Variants in GPC3 observed in about 807,000 individuals in gnomAD.
GPC3 encodes glypican-3.
In GPC3, 3 loss-of-function variants were observed where a neutral mutation model predicts 34.4. The observed-to-expected ratio is 0.09, with a 90% CI of 0.04 to 0.23. GPC3 has a LOEUF of 0.23. Among genes scored for constraint, GPC3 ranks in the 10% least tolerant of loss-of-function variants. The pLI is 1.00. For synonymous variants in GPC3, 177 were observed against 174.0 expected (o/e 1.02, Z -0.13); for missense variants, 351 against 445.6 (o/e 0.79, Z 1.91).
intron 5 of GPC3, among the ~76,000 whole-genome samples, chrX:133,684,537 G>A (rs1457027717): frequency 9.0e-6 from 1 of 111,516 alleles, no homozygotes; most frequent in Admixed American, 9.5e-5. Context: ...TTTCGGACCT[G>A]ACTCAATGCT....
intron 6 of GPC3, among the ~76,000 whole-genome samples, chrX:133,602,851 A>AT (rs1418555972): frequency 9.0e-6 from 1 of 111,538 alleles, no homozygotes; most frequent in Non-Finnish European, 1.9e-5. Flanking sequence ...AGAATTAAAC[A>AT]TTTTTTAAGT....
At chrX:133,782,888 C>T (rs2072063004) in intron 2 of GPC3, among the ~76,000 whole-genome samples, 1 of 111,477 alleles carries the variant, frequency 9.0e-6, no homozygotes, top group Non-Finnish European at 1.9e-5. Context: ...TGCAAACAGA[C>T]TGCCAAAGCT....
chrX:133,732,072 C>T (rs2071467530), intron 3 of GPC3, among the ~76,000 whole-genome samples: 1 of 111,578 alleles, frequency 9.0e-6, no homozygotes, highest in Non-Finnish European at 1.9e-5. Flanking sequence ...AGTCTAAATG[C>T]TGTATTAAGA....
At chrX:133,558,309 C>A (rs200594462) in intron 7 of GPC3, among the ~76,000 whole-genome samples, 1 of 58,862 alleles carries the variant, frequency 1.7e-5, no homozygotes, top group Non-Finnish European at 3.4e-5. Flanking sequence ...TTTTTTTTTT[C>A]TTTGTCTCAT....
chrX:133,818,661 A>T (rs1247116309), intron 2 of GPC3, among the ~76,000 whole-genome samples: 1 of 111,857 alleles, frequency 8.9e-6, no homozygotes, highest in Non-Finnish European at 1.9e-5. Context: ...TGTTATAATA[A>T]GCTAAAAAGC....
chrX:133,849,970 C>T (rs1441999883), intron 2 of GPC3, among the ~76,000 whole-genome samples: 6 of 111,280 alleles, frequency 5.4e-5, no homozygotes, highest in African/African-American at 9.8e-5. Context: ...AAACTGTTAC[C>T]TTATCAGTAG....
chrX:133,655,935 C>T lies in GPC3; in HGVS notation c.1413+5795G>A, dbSNP rs191335080. Reference sequence around the variant, plus strand: ...ATTTCAAAAGTTAGTTTCTTCATTGCACTAGAGTCTGCCAGGCATCTTAAA... The same window carrying T: ...ATTTCAAAAGTTAGTTTCTTCATTGTACTAGAGTCTGCCAGGCATCTTAAA... On this transcript the variant is annotated intron_variant, in intron 6 of 7. Coordinates refer to ENST00000370818, the MANE Select transcript of GPC3 (RefSeq NM_004484.4). Among the ~76,000 whole-genome samples the T allele has an allele frequency of 1.9e-3, 215 of 112,396 alleles. 1 individual carries two copies. The highest frequency in any genetic ancestry group is 6.7e-3 in the African/African-American group (208 of 31,035).
intron 6 of GPC3, among the ~76,000 whole-genome samples, chrX:133,637,190 C>T (rs1169747646): frequency 5.4e-5 from 6 of 111,362 alleles, no homozygotes; most frequent in South Asian, 3.8e-4. Context: ...AGCAGATGTG[C>T]GGCGTGGTGG....
At chrX:133,859,994 G>A (rs1261919263) in intron 2 of GPC3, among the ~76,000 whole-genome samples, 3 of 110,592 alleles carry the variant, frequency 2.7e-5, no homozygotes, top group African/African-American at 6.6e-5. Context: ...GCTCTTTTTA[G>A]CAATCAGTTC....
intron 2 of GPC3, among the ~76,000 whole-genome samples, chrX:133,832,415 T>C (rs1020344591): frequency 3.7e-5 from 4 of 109,432 alleles, no homozygotes; most frequent in African/African-American, 1.0e-4. Context: ...CTATGGCTAC[T>C]AGATCTTTAG....
chrX:133,543,466 T>C (rs2069358945), intron 7 of GPC3, among the ~76,000 whole-genome samples: 1 of 112,307 alleles, frequency 8.9e-6, no homozygotes, highest in African/African-American at 3.2e-5. Flanking sequence ...TTTTGCCCAC[T>C]AAATGACAGT....
intron 5 of GPC3, among the ~76,000 whole-genome samples, chrX:133,668,145 C>T (rs1039029960): frequency 4.5e-5 from 5 of 110,105 alleles, no homozygotes; most frequent in South Asian, 4.0e-4. Flanking sequence ...CTTCATGATC[C>T]GCCCGCCCAC....
At chrX:133,578,006 A>T (rs918078742) in intron 7 of GPC3, among the ~76,000 whole-genome samples, 2 of 112,191 alleles carry the variant, frequency 1.8e-5, no homozygotes, top group African/African-American at 3.2e-5. Flanking sequence ...AAAACAAATA[A>T]TAATGGTACC....
intron 6 of GPC3, among the ~76,000 whole-genome samples, chrX:133,626,553 C>A (rs755698978): frequency 9.0e-6 from 1 of 110,789 alleles, no homozygotes; most frequent in African/African-American, 3.3e-5. Context: ...AGCCAACACA[C>A]ACATGAAAAA....
At chrX:133,552,618 C>A (rs950932453) in intron 7 of GPC3, among the ~76,000 whole-genome samples, 1 of 111,917 alleles carries the variant, frequency 8.9e-6, no homozygotes, top group African/African-American at 3.2e-5. Context: ...AGGATACTGC[C>A]TATGGAGAAG....
intron 2 of GPC3, among the ~76,000 whole-genome samples, chrX:133,919,495 T>TA (rs1307913182): frequency 9.0e-6 from 1 of 110,910 alleles, no homozygotes; most frequent in Non-Finnish European, 1.9e-5. Context: ...GAATTACATA[T>TA]AAAAATGGTA....
chrX:133,721,416 T>G lies in GPC3; in HGVS notation c.1033-21388A>C, dbSNP rs374056801. On this transcript the variant is annotated intron_variant, in intron 3 of 7. Transcript: ENST00000370818. ...CTTTATGCCAAAAAGTAGATAACTT[T>G]GATGAAATGGACATATTCCTAGAAA... Among the ~76,000 whole-genome samples the G allele has an allele frequency of 2.7e-5, 3 of 110,516 alleles. No homozygotes were observed. In the South Asian group the frequency reaches 1.1e-3, roughly 42 times the overall value.
At chrX:133,682,398 CA>C (rs950328302) in intron 5 of GPC3, among the ~76,000 whole-genome samples, 2 of 111,262 alleles carry the variant, frequency 1.8e-5, no homozygotes, top group Middle Eastern at 4.6e-3. Context: ...CATTATTTCC[CA>C]AAAAAAATCC....
At chrX:133,620,219 C>CAA (rs34399470) in intron 6 of GPC3, among the ~76,000 whole-genome samples, 5 of 41,902 alleles carry the variant, frequency 1.2e-4, no homozygotes, top group African/African-American at 1.6e-4. Context: ...GACTCTGTCT[C>CAA]AAAAAAAAAA....
Sources: allele counts gnomAD v4.1 joint callset (sites outside exome capture counted in the v4.1 genomes callset), GRCh38; gene constraint gnomAD v4.1.1; transcripts MANE v1.5; gene names NCBI Gene and HGNC (gene_info 2026-07-23, HGNC 2026-07-21).